Variants in MLLT10 observed in about 807,000 individuals in gnomAD.
MLLT10 encodes the protein protein AF-10.
Under a neutral mutation model 129.1 loss-of-function variants are expected in MLLT10, and 30 were observed. The ratio of observed to expected loss-of-function variants is 0.23; its 90% CI spans 0.17 to 0.32. The LOEUF is 0.32. MLLT10 is among the 10% of genes least tolerant of loss of function. MLLT10 has a pLI of 1.00. For synonymous variants in MLLT10, 490 were observed against 446.4 expected (o/e 1.10, Z -1.23); for missense variants, 1,119 against 1,268.3 (o/e 0.88, Z 1.79).
At chr10:21,595,059 T>G (rs10828256) in intron 4 of MLLT10, among the ~76,000 whole-genome samples, 1 of 152,066 alleles carries the variant, frequency 6.6e-6, no homozygotes, top group Non-Finnish European at 1.5e-5. Context: ...TCTGCCTGTA[T>G]AAGAAGTGTT....
intron 13 of MLLT10, among the ~76,000 whole-genome samples, chr10:21,698,515 A>G (rs1564669318): frequency 6.6e-6 from 1 of 152,238 alleles, no homozygotes; most frequent in Non-Finnish European, 1.5e-5. Flanking sequence ...TTTGTGAAGA[A>G]ATGCTATGAT....
intron 8 of MLLT10, among the ~76,000 whole-genome samples, chr10:21,634,665 G>A (rs972270210): frequency 6.6e-6 from 1 of 152,168 alleles, no homozygotes; most frequent in African/African-American, 2.4e-5. Context: ...TTCTATCAAT[G>A]CTTCCATATT....
chr10:21,572,640 A>T (rs1391941565), intron 3 of MLLT10, among the ~76,000 whole-genome samples: 1 of 148,304 alleles, frequency 6.7e-6, no homozygotes, highest in Non-Finnish European at 1.5e-5. Context: ...TGTTTTTTTG[A>T]GACAGAGTCT....
intron 13 of MLLT10, among the ~76,000 whole-genome samples, chr10:21,706,272 G>A (rs1401006854): frequency 6.6e-6 from 1 of 152,122 alleles, no homozygotes; most frequent in Non-Finnish European, 1.5e-5. Context: ...TTTACTATGT[G>A]GTAGACAGCA....
rs1420602902 is a variant in MLLT10 at position 21,543,091 on chromosome 10, T to C, written c.240+4179T>C. ...CTCCTGCCTCAGCCTCCGGAGTAGC[T>C]GAGATTACAGACACCATGCCCGGCT... On this transcript the variant is annotated intron_variant, in intron 3 of 22. Transcript: ENST00000307729. 3.9e-5 allele frequency among the ~76,000 whole-genome samples: 6 copies of C among 151,964 alleles called. No homozygotes were observed. In the East Asian group the frequency reaches 9.7e-4, roughly 25 times the overall value.
intron 13 of MLLT10, among the ~76,000 whole-genome samples, chr10:21,704,688 C>A (rs1023547093): frequency 1.3e-5 from 2 of 150,148 alleles, no homozygotes; most frequent in African/African-American, 4.9e-5. Flanking sequence ...ATAGCTTCTC[C>A]CAATTTTTTT....
chr10:21,534,359 C>T lies in MLLT10; in HGVS notation c.-162C>T, dbSNP rs1359627105. 6 of 403,664 alleles carry T rather than the reference C, an allele frequency of 1.5e-5. 1 individual carries two copies. The highest frequency in any genetic ancestry group is 2.3e-5 in the Non-Finnish European group (5 of 221,714). 25.0% of individuals were successfully genotyped at this position (403,664 alleles called of 1,614,324 possible). On this transcript the variant is annotated 5_prime_UTR_variant, in exon 1 of 23. Transcript: ENST00000307729. The stretch of plus-strand genomic sequence containing the variant: ...GGAGGCCCTCTTGATTATGTGTGCC[C>T]TCTCCGGGCGCCCGCGTTAGCGGCC...
At chr10:21,738,681 C>A in intron 21 of MLLT10, 1 of 506,114 alleles carries the variant, frequency 2.0e-6, no homozygotes, top group Non-Finnish European at 2.5e-6. Flanking sequence ...TTCATCTTAA[C>A]GTCACCTGGC....
intron 3 of MLLT10, among the ~76,000 whole-genome samples, chr10:21,581,109 G>C (rs1405631610): frequency 2.0e-5 from 3 of 147,536 alleles, no homozygotes; most frequent in Non-Finnish European, 4.5e-5. Context: ...GCAGTGGCAC[G>C]ATCTCGGCTC....
intron 14 of MLLT10, among the ~76,000 whole-genome samples, chr10:21,719,769 A>T (rs997664500): frequency 2.0e-5 from 3 of 152,180 alleles, no homozygotes; most frequent in Non-Finnish European, 4.4e-5. Context: ...ATGAGGTTCA[A>T]ATGCAGACCA....
At chr10:21,627,367 TTG>T (rs951066378) in intron 8 of MLLT10, among the ~76,000 whole-genome samples, 3 of 152,186 alleles carry the variant, frequency 2.0e-5, no homozygotes, top group Non-Finnish European at 2.9e-5. Flanking sequence ...TAAATTAATA[TTG>T]TTACAGATTA....
intron 5 of MLLT10, among the ~76,000 whole-genome samples, chr10:21,597,484 C>T (rs1461962597): frequency 6.6e-6 from 1 of 152,160 alleles, no homozygotes. Flanking sequence ...ATTCTTGTGC[C>T]TCAGCGTCCC....
chr10:21,668,539 A>G (rs562989915), intron 9 of MLLT10, among the ~76,000 whole-genome samples: 34 of 152,228 alleles, frequency 2.2e-4, no homozygotes, highest in African/African-American at 7.9e-4. Flanking sequence ...TTTTTTTCAC[A>G]TTAAGTCTGA....
intron 3 of MLLT10, among the ~76,000 whole-genome samples, chr10:21,573,883 T>G (rs1165060980): frequency 6.6e-6 from 1 of 152,162 alleles, no homozygotes; most frequent in Non-Finnish European, 1.5e-5. Flanking sequence ...TATATATTGT[T>G]GGACTTAAAT....
At chr10:21,639,040 A>G (rs2047726870) in intron 8 of MLLT10, among the ~76,000 whole-genome samples, 1 of 152,184 alleles carries the variant, frequency 6.6e-6, no homozygotes, top group South Asian at 2.1e-4. Context: ...CTTTCCTCAG[A>G]TCCCATTAAT....
At chr10:21,617,758 C>T (rs925954529) in intron 8 of MLLT10, among the ~76,000 whole-genome samples, 1 of 152,082 alleles carries the variant, frequency 6.6e-6, no homozygotes, top group African/African-American at 2.4e-5. Context: ...CTGTTTTTCC[C>T]GCTTACATTT....
chr10:21,594,402 A>C (rs1375154626), intron 4 of MLLT10, among the ~76,000 whole-genome samples: 1 of 151,918 alleles, frequency 6.6e-6, no homozygotes, highest in Non-Finnish European at 1.5e-5. Flanking sequence ...ATACAAAATT[A>C]GCCGGGTGTG....
At chr10:21,573,381 A>G (rs2040407015) in intron 3 of MLLT10, among the ~76,000 whole-genome samples, 1 of 152,186 alleles carries the variant, frequency 6.6e-6, no homozygotes, top group Admixed American at 6.5e-5. Context: ...TGTTATAGTC[A>G]CAGACCCCAA....
chr10:21,597,077 T>C (rs1163355994), intron 5 of MLLT10, among the ~76,000 whole-genome samples: 1 of 152,178 alleles, frequency 6.6e-6, no homozygotes, highest in Non-Finnish European at 1.5e-5. Context: ...TTTTTAATTT[T>C]AAAAGCATTA....
Sources: gnomAD v4.1 joint callset for allele counts (sites outside exome capture counted in the v4.1 genomes callset) on GRCh38, gnomAD v4.1.1 for gene constraint, MANE v1.5 for transcripts, NCBI Gene and HGNC (gene_info 2026-07-23, HGNC 2026-07-21) for gene names.